The following NRXN1 variants were observed in gnomAD, a reference collection of about 807,000 sequenced individuals.
NRXN1 encodes neurexin-1.
NRXN1 carries 39 observed loss-of-function variants against 150.9 expected under a neutral mutation model. That is an observed-to-expected ratio of 0.26 (90% CI 0.20 to 0.34). The LOEUF (loss-of-function observed/expected upper bound fraction) is 0.34, where lower values mean the gene tolerates loss of function less well. Among genes scored for constraint, NRXN1 ranks in the 10% least tolerant of loss-of-function variants. NRXN1 has a pLI of 1.00. For synonymous variants in NRXN1, 924 were observed against 757.0 expected (o/e 1.22, Z -3.62); for missense variants, 1,815 against 1,949.9 (o/e 0.93, Z 1.30).
At chr2:50,774,881 A>G (rs1358302817) in intron 5 of NRXN1, among the ~76,000 whole-genome samples, 2 of 152,176 alleles carry the variant, frequency 1.3e-5, no homozygotes, top group Non-Finnish European at 2.9e-5. Context: ...TCACCAATCG[A>G]ATTTCTAAAC....
chr2:50,878,233 C>T (rs952609948), intron 5 of NRXN1, among the ~76,000 whole-genome samples: 1 of 151,986 alleles, frequency 6.6e-6, no homozygotes. Flanking sequence ...CCAGAGCCCA[C>T]TTTTACTTGC....
chr2:50,260,125 A>G (rs2068099951), intron 17 of NRXN1, among the ~76,000 whole-genome samples: 1 of 151,924 alleles, frequency 6.6e-6, no homozygotes, highest in African/African-American at 2.4e-5. Context: ...AACTCTAGTT[A>G]GACAATCTGT....
rs1251093863 is a variant in NRXN1, at chr2:50,212,707, C to A, written c.3546+24082G>T. 2.0e-5 allele frequency among the ~76,000 whole-genome samples: 3 copies of A among 151,928 alleles called. No homozygotes were observed. In the East Asian group the frequency reaches 5.8e-4, roughly 30 times the overall value. On this transcript the variant is annotated intron_variant, in intron 18 of 22. Transcript: ENST00000401669. ...AAACAAATAAACCAAAAATATTACT[C>A]AGGTCAGCTTGAAAGAAAAACCAAG...
At chr2:50,460,292 A>G (rs1558769879) in intron 17 of NRXN1, among the ~76,000 whole-genome samples, 1 of 152,112 alleles carries the variant, frequency 6.6e-6, no homozygotes, top group Non-Finnish European at 1.5e-5. Context: ...AGGAAAATCC[A>G]TAGGTGAAGA....
intron 17 of NRXN1, among the ~76,000 whole-genome samples, chr2:50,420,962 CTG>C (rs4032055): frequency 0.22 from 25,756 of 119,216 alleles, 2,671 homozygotes; most frequent in Middle Eastern, 0.29. Flanking sequence ...CAAAATAGAC[CTG>C]TGTGTGTGTG....
At chr2:51,025,945 G>C (rs993023975) in intron 2 of NRXN1, among the ~76,000 whole-genome samples, 2 of 152,062 alleles carry the variant, frequency 1.3e-5, no homozygotes, top group Non-Finnish European at 2.9e-5. Context: ...CAACAAAATA[G>C]CCCTTTCTTT....
chr2:50,160,549 A>C (rs1438829270), intron 18 of NRXN1, among the ~76,000 whole-genome samples: 4 of 152,136 alleles, frequency 2.6e-5, no homozygotes, highest in East Asian at 1.9e-4. Flanking sequence ...CTCCAAAAAA[A>C]AAAATGGCTT....
intron 5 of NRXN1, among the ~76,000 whole-genome samples, chr2:50,690,563 T>A (rs911363882): frequency 5.3e-5 from 8 of 152,186 alleles, no homozygotes; most frequent in African/African-American, 1.9e-4. Context: ...TACTCAGAGA[T>A]GTCACATGCA....
At chr2:50,066,972 G>A (rs1046116838) in intron 19 of NRXN1, among the ~76,000 whole-genome samples, 2 of 152,194 alleles carry the variant, frequency 1.3e-5, no homozygotes, top group African/African-American at 4.8e-5. Flanking sequence ...AGGGGGTGGT[G>A]CAACTCAAGA....
At chr2:50,219,927 T>G (rs1335190709) in intron 18 of NRXN1, among the ~76,000 whole-genome samples, 2 of 72,474 alleles carry the variant, frequency 2.8e-5, no homozygotes, top group Non-Finnish European at 4.8e-5. Context: ...TCTCTCTATA[T>G]TATATATATT....
chr2:50,798,222 G>T (rs1707113443), intron 5 of NRXN1, among the ~76,000 whole-genome samples: 1 of 152,076 alleles, frequency 6.6e-6, no homozygotes, highest in African/African-American at 2.4e-5. Flanking sequence ...TAATATAGTT[G>T]TTATGATCTC....
At chr2:50,855,224 A>G (rs1388306407) in intron 5 of NRXN1, among the ~76,000 whole-genome samples, 1 of 152,028 alleles carries the variant, frequency 6.6e-6, no homozygotes, top group Non-Finnish European at 1.5e-5. Flanking sequence ...TAGACTTCAT[A>G]AAGAAAACTC....
intron 17 of NRXN1, among the ~76,000 whole-genome samples, chr2:50,387,696 A>T (rs1198002584): frequency 2.0e-5 from 3 of 152,176 alleles, no homozygotes; most frequent in Non-Finnish European, 2.9e-5. Context: ...GCATGGTCCT[A>T]TGAAGCTTCT....
chr2:50,020,633 C>T (rs892950795), intron 21 of NRXN1, among the ~76,000 whole-genome samples: 1 of 152,166 alleles, frequency 6.6e-6, no homozygotes, highest in East Asian at 1.9e-4. Context: ...TGCTCTGTTT[C>T]ACTTCTCAGG....
chr2:50,329,591 G>C (rs1290973102), intron 17 of NRXN1, among the ~76,000 whole-genome samples: 1 of 20,186 alleles, frequency 5.0e-5, no homozygotes, highest in Non-Finnish European at 9.8e-5. Flanking sequence ...GTGTGTGTGT[G>C]TGTGTGTGTG....
chr2:50,373,711 G>GAAAGAAAGAAAAAAAGAAAGAAAGAA (rs71404950), intron 17 of NRXN1, among the ~76,000 whole-genome samples: 1 of 86,250 alleles, frequency 1.2e-5, no homozygotes. Flanking sequence ...AAGAAAGAAA[G>GAAAGAAAGAAAAAAAGAAAGAAAGAA]AGAAAGAAAG....
At chr2:50,627,472 C>T (rs79232266) in intron 5 of NRXN1, among the ~76,000 whole-genome samples, 17,167 of 150,518 alleles carry the variant, frequency 0.11, 1,082 homozygotes, top group Middle Eastern at 0.19. Context: ...ATACAGAGGT[C>T]ACTAAAGGTT....
chr2:49,928,258 T>TAA (rs567989734), intron 22 of NRXN1, among the ~76,000 whole-genome samples: 14 of 141,416 alleles, frequency 9.9e-5, no homozygotes, highest in Admixed American at 2.8e-4. Context: ...CAATGATCCT[T>TAA]AAAAAAAAAA....
intron 5 of NRXN1, among the ~76,000 whole-genome samples, chr2:50,636,102 G>A (rs1471059780): frequency 6.6e-6 from 1 of 152,054 alleles, no homozygotes; most frequent in East Asian, 1.9e-4. Context: ...CATTCTAGGA[G>A]CACTTGGTTA....
Sources: gnomAD v4.1 joint callset for allele counts (sites outside exome capture counted in the v4.1 genomes callset) on GRCh38, gnomAD v4.1.1 for gene constraint, MANE v1.5 for transcripts, NCBI Gene and HGNC (gene_info 2026-07-23, HGNC 2026-07-21) for gene names.